The following PARD3B variants were observed in gnomAD, a reference collection of about 807,000 sequenced individuals.
PARD3B encodes the protein par-3 family cell polarity regulator beta, also known as partitioning defective 3 homolog B.
PARD3B carries 103 observed loss-of-function variants against 130.2 expected under a neutral mutation model. That is an observed-to-expected ratio of 0.79 (90% CI 0.67 to 0.93). The LOEUF (loss-of-function observed/expected upper bound fraction) is 0.93. Ranked by LOEUF, PARD3B falls within the 40% of genes least tolerant of loss-of-function variation. PARD3B has a pLI of 0.00. For synonymous variants in PARD3B, 583 were observed against 553.2 expected, an observed-to-expected ratio of 1.05 and a Z score of -0.76; for missense variants, 1,609 against 1,499.2, an observed-to-expected ratio of 1.07 and a Z score of -1.21.
chr2:205,241,406 A>C lies in PARD3B; in HGVS notation c.2141-4372A>C, dbSNP rs1320647836. On this transcript the variant is annotated intron_variant, in intron 15 of 22. Transcript: ENST00000406610. The surrounding 1 kb of genome is among the most constrained non-coding windows in gnomAD (Gnocchi z 4.2). ...TAAGTATGTAATAATGGTTATAATA[A>C]AATAACAGTTATAAAAATATTTATG... is the stretch of plus-strand genomic sequence containing the variant. Among the ~76,000 whole-genome samples, 1 of 152,176 alleles carries C rather than the reference A, an allele frequency of 6.6e-6. No individual in the cohort carries two copies. Among genetic ancestry groups the C allele is most frequent in the African/African-American group, 2.4e-5 (1 of 41,450 alleles).
chr2:205,398,371 T>C (rs1241602296), intron 18 of PARD3B, among the ~76,000 whole-genome samples: 1 of 152,102 alleles, frequency 6.6e-6, no homozygotes, highest in Non-Finnish European at 1.5e-5. Context: ...CTGTAAATGA[T>C]ACATGGATAT....
intron 1 of PARD3B, among the ~76,000 whole-genome samples, chr2:204,656,706 C>A (rs1347137345): frequency 6.6e-6 from 1 of 152,120 alleles, no homozygotes; most frequent in African/African-American, 2.4e-5. Context: ...TGTGTTATTT[C>A]TTAATGTGAC....
At chr2:204,779,574 T>C (rs2041765326) in intron 2 of PARD3B, among the ~76,000 whole-genome samples, 1 of 152,196 alleles carries the variant, frequency 6.6e-6, no homozygotes, top group Admixed American at 6.6e-5. Flanking sequence ...TCAGAAACTC[T>C]AGAAAACTGA....
chr2:204,686,241 C>T lies in PARD3B; in HGVS notation c.181C>T (p.Pro61Ser). 2 of 1,612,678 alleles carry T rather than the reference C, an allele frequency of 1.2e-6. No individual in the cohort carries two copies. Among genetic ancestry groups the T allele is most frequent in the Non-Finnish European group, 1.7e-6 (2 of 1,178,926 alleles). The change falls in exon 2 of 23, where the codon CCA (proline) becomes TCA (serine). Residue 61 changes from proline to serine, a missense_variant. Transcript: ENST00000406610. ...LEYTDGGILD[P>S]DDVLADVVED... ...ATATACAGATGGAGGAATCCTGGAT[C>T]CAGATGATGTCTTGGCAGATGTTGT...
chr2:205,193,131 A>T (rs1293880911), intron 14 of PARD3B, 74 bp from the exon 15 acceptor site: 3 of 1,071,482 alleles, frequency 2.8e-6, no homozygotes, highest in Non-Finnish European at 4.3e-6. Context: ...CTGTGTTCAA[A>T]ATGAGAACTG....
chr2:205,441,085 G>A (rs1428232024), intron 20 of PARD3B, among the ~76,000 whole-genome samples: 1 of 152,234 alleles, frequency 6.6e-6, no homozygotes, highest in Non-Finnish European at 1.5e-5. Context: ...TGTAATTGAA[G>A]TGGGAATTAC....
Position 205,185,806 on chromosome 2 carries a change from C to T in PARD3B, c.1967C>T (p.Pro656Leu), listed in dbSNP as rs1406065602. The T allele has an allele frequency of 6.2e-7, 1 of 1,614,082 alleles. No individual in the cohort carries two copies. The highest frequency in any genetic ancestry group is 8.5e-7 in the Non-Finnish European group (1 of 1,179,978). The part of the protein sequence containing the change: ...PNDGWAESEV[P>L]PSPTPHSALG... ...GACGGATGGGCCGAGAGTGAAGTTC[C>T]ACCTTCTCCAACACCACATTCTGCT... The change falls in exon 14 of 23, where the codon CCA becomes CTA. Residue 656 changes from proline (P) to leucine (L), a missense_variant. By Grantham distance (98) the Pro-to-Leu change is moderately conservative. Transcript: ENST00000406610.
intron 20 of PARD3B, among the ~76,000 whole-genome samples, chr2:205,456,104 T>G (rs996651553): frequency 6.6e-6 from 1 of 152,084 alleles, no homozygotes; most frequent in Non-Finnish European, 1.5e-5. Context: ...CCATCCAAGT[T>G]TTGTGGGTAT....
At chr2:205,106,132 C>A (rs1407438898) in intron 5 of PARD3B, among the ~76,000 whole-genome samples, 1 of 151,276 alleles carries the variant, frequency 6.6e-6, no homozygotes, top group Non-Finnish European at 1.5e-5. Flanking sequence ...TATATATATT[C>A]TTTTATTTAT....
intron 18 of PARD3B, among the ~76,000 whole-genome samples, chr2:205,316,361 T>TA (rs2042563809): frequency 6.6e-6 from 1 of 151,986 alleles, no homozygotes; most frequent in African/African-American, 2.4e-5. Context: ...AGGTTAGATA[T>TA]AAAAAAGAAG....
intron 4 of PARD3B, chr2:205,048,045 G>A (rs1698923515): frequency 6.0e-6 from 1 of 165,452 alleles, no homozygotes; most frequent in Middle Eastern, 2.8e-3. Context: ...CTAATAAGTG[G>A]CAAAGCAAGG....
rs1056938610 is a variant in PARD3B, at chr2:205,405,344, C to G, written c.2741+4221C>G. 6.6e-6 allele frequency among the ~76,000 whole-genome samples: 1 copy of G among 152,138 alleles called. No individual in the cohort carries two copies. The highest frequency in any genetic ancestry group is 6.6e-5 in the Admixed American group (1 of 15,256). On this transcript the variant is annotated intron_variant, in intron 19 of 22. Coordinates refer to ENST00000406610, the MANE Select transcript of PARD3B (RefSeq NM_001302769.2). The surrounding 1 kb of genome is among the most constrained non-coding windows in gnomAD (Gnocchi z 4.1). ...GCTAAAAATCTTACAATGCACAGGA[C>G]AGCTACCCTCCCCCACAACATGAAT...
At chr2:204,810,335 G>A (rs1046936503) in intron 2 of PARD3B, among the ~76,000 whole-genome samples, 9 of 152,266 alleles carry the variant, frequency 5.9e-5, no homozygotes, top group Admixed American at 4.6e-4. Context: ...TTTTCAAGGG[G>A]AATGTTTCCA....
intron 2 of PARD3B, among the ~76,000 whole-genome samples, chr2:204,827,693 A>G (rs1372020399): frequency 6.6e-6 from 1 of 152,220 alleles, no homozygotes; most frequent in Admixed American, 6.5e-5. Flanking sequence ...TGTCAAGATA[A>G]ATTCCAAGCA....
chr2:204,765,243 T>C (rs1038743687), intron 2 of PARD3B, among the ~76,000 whole-genome samples: 2 of 152,180 alleles, frequency 1.3e-5, no homozygotes, highest in African/African-American at 4.8e-5. Context: ...GAGAGGTTGT[T>C]TGAAAAATAT....
chr2:205,440,366 T>C lies in PARD3B; in HGVS notation c.2742-4T>C, dbSNP rs1273881498. On this transcript the variant is annotated splice_region_variant and splice_polypyrimidine_tract_variant and intron_variant, in intron 19 of 22. Transcript: ENST00000406610. This position sits in a 1 kb window ranked among gnomAD's most constrained non-coding sequence, Gnocchi z 4.2. ...ATCTTTGCTACCTGTACTGTATTTT[T>C]CAGGATTGGAGCAAAACATCAGGAG... The C allele has an allele frequency of 1.9e-6, 3 of 1,613,284 alleles. No individual in the cohort carries two copies. The highest frequency in any genetic ancestry group is 8.5e-7 in the Non-Finnish European group (1 of 1,179,344).
At chr2:204,825,266 A>C in intron 2 of PARD3B, among the ~76,000 whole-genome samples, 1 of 152,162 alleles carries the variant, frequency 6.6e-6, no homozygotes, top group East Asian at 1.9e-4. Context: ...ATTGAATAGC[A>C]CACTAATTAT....
chr2:205,443,304 A>G (rs1295722052), intron 20 of PARD3B, among the ~76,000 whole-genome samples: 3 of 152,194 alleles, frequency 2.0e-5, no homozygotes, highest in African/African-American at 7.2e-5. Context: ...TTAGAGGGCA[A>G]TGCCATTCAT....
chr2:205,150,252 T>TGTGTGTGTGTGTGTGCGC (rs375301293), intron 10 of PARD3B, among the ~76,000 whole-genome samples: 5 of 145,780 alleles, frequency 3.4e-5, no homozygotes, highest in African/African-American at 1.0e-4. Flanking sequence ...TGTGTGTGTG[T>TGTGTGTGTGTGTGTGCGC]GCACACACGC....
Sources: gnomAD v4.1 joint callset for allele counts (sites outside exome capture counted in the v4.1 genomes callset) on GRCh38, gnomAD v4.1.1 for gene constraint, Gnocchi (gnomAD v3.1) non-coding constraint, MANE v1.5 for transcripts, NCBI Gene and HGNC (gene_info 2026-07-23, HGNC 2026-07-21) for gene names.